The following MIPEP variants were observed in gnomAD, a reference collection of about 807,000 sequenced individuals.
MIPEP encodes mitochondrial intermediate peptidase.
MIPEP carries 79 observed loss-of-function variants against 90.3 expected under a neutral mutation model. That is an observed-to-expected ratio of 0.87 (90% CI 0.73 to 1.05). The LOEUF (loss-of-function observed/expected upper bound fraction) is 1.05, where lower values mean the gene tolerates loss of function less well. Among genes scored for constraint, MIPEP ranks in the 50% least tolerant of loss-of-function variants. The pLI is 0.00. For synonymous variants in MIPEP, 334 were observed against 315.8 expected (o/e 1.06, Z -0.61); for missense variants, 940 against 905.6 (o/e 1.04, Z -0.49).
intron 10 of MIPEP, 41 bp downstream of exon 10, chr13:23,858,819 C>T (rs1870157578): frequency 6.3e-7 from 1 of 1,579,078 alleles, no homozygotes; most frequent in African/African-American, 1.3e-5. Context: ...CATTAGTTTC[C>T]TTTTTCCTTT....
chr13:23,875,752 CAT>C (rs1354910386), intron 4 of MIPEP, among the ~76,000 whole-genome samples: 1 of 152,032 alleles, frequency 6.6e-6, no homozygotes. Flanking sequence ...AATGCAGAAA[CAT>C]ATGAAACATT....
intron 16 of MIPEP, among the ~76,000 whole-genome samples, chr13:23,794,783 C>T (rs1379844636): frequency 6.6e-6 from 1 of 152,106 alleles, no homozygotes. Flanking sequence ...TGTTTTAAAT[C>T]ACTGAAATCT....
At chr13:23,836,141 G>A (rs1237176463) in intron 14 of MIPEP, 99 bp downstream of exon 14, 7 of 640,618 alleles carry the variant, frequency 1.1e-5, no homozygotes, top group Non-Finnish European at 1.8e-5. Flanking sequence ...CTAACAGAGG[G>A]TGAGTTCTGA....
chr13:23,759,002 C>A (rs1419190942), intron 17 of MIPEP, among the ~76,000 whole-genome samples: 1 of 152,142 alleles, frequency 6.6e-6, no homozygotes, highest in Non-Finnish European at 1.5e-5. Flanking sequence ...ACTCTAAAAA[C>A]CAAGATAAAG....
At position 23,829,151 on chromosome 13, in the gene MIPEP, C is replaced by T. The variant is rs1241842997; in HGVS notation, c.1653+7089G>A. ...AAGTAAAATGGATTCCCGCCTTATGCCAAACCCAGAAAGAATTTCCAACTT... is the reference window on the plus strand; with the variant it reads ...AAGTAAAATGGATTCCCGCCTTATGTCAAACCCAGAAAGAATTTCCAACTT... On this transcript the variant is annotated intron_variant, in intron 14 of 18. Transcript: ENST00000382172. Among the ~76,000 whole-genome samples the T allele has an allele frequency of 2.0e-5, 3 of 152,106 alleles. 1 individual carries two copies. Among genetic ancestry groups the T allele is most frequent in the East Asian group, 3.9e-4 (2 of 5,190 alleles).
intron 18 of MIPEP, among the ~76,000 whole-genome samples, chr13:23,734,807 CAG>C (rs1952243108): frequency 6.6e-6 from 1 of 152,050 alleles, no homozygotes; most frequent in Non-Finnish European, 1.5e-5. Flanking sequence ...GGCATCTCCA[CAG>C]GGGGGAATGT....
chr13:23,768,686 G>A (rs1952617892), intron 16 of MIPEP, among the ~76,000 whole-genome samples: 1 of 152,290 alleles, frequency 6.6e-6, no homozygotes, highest in South Asian at 2.1e-4. Flanking sequence ...AGTGAGCTGA[G>A]ATCACACCAC....
intron 18 of MIPEP, among the ~76,000 whole-genome samples, chr13:23,747,356 C>T (rs1037740940): frequency 3.9e-5 from 6 of 152,160 alleles, no homozygotes; most frequent in Admixed American, 2.6e-4. Flanking sequence ...TGAAGAGGTG[C>T]TTGACTCTGG....
chr13:23,888,757 T>TA, intron 1 of MIPEP: 1 of 1,033,196 alleles, frequency 9.7e-7, no homozygotes, highest in Non-Finnish European at 1.2e-6. Context: ...ATAGGCCTCT[T>TA]AAGGCAGGAC....
intron 1 of MIPEP, among the ~76,000 whole-genome samples, chr13:23,888,282 T>C (rs1871603015): frequency 6.6e-6 from 1 of 152,170 alleles, no homozygotes. Context: ...AAATAATTTT[T>C]AAATAGACAA....
intron 16 of MIPEP, among the ~76,000 whole-genome samples, chr13:23,791,576 C>G (rs554358116): frequency 2.0e-5 from 3 of 152,204 alleles, no homozygotes; most frequent in African/African-American, 7.2e-5. Context: ...GGGCTAACCC[C>G]TCCACCCGTA....
chr13:23,780,199 C>T (rs963662344), intron 16 of MIPEP, among the ~76,000 whole-genome samples: 25 of 152,186 alleles, frequency 1.6e-4, no homozygotes, highest in Non-Finnish European at 2.9e-4. Flanking sequence ...TTGGGAGGCA[C>T]CCCCCAGTAG....
chr13:23,816,990 C>T (rs1953247699), intron 14 of MIPEP, among the ~76,000 whole-genome samples: 1 of 152,166 alleles, frequency 6.6e-6, no homozygotes, highest in Non-Finnish European at 1.5e-5. Context: ...CACAGGTGAG[C>T]CATCTGTATC....
At chr13:23,864,110 C>T in intron 8 of MIPEP, 31 bp downstream of exon 8, 2 of 1,288,984 alleles carry the variant, frequency 1.6e-6, no homozygotes, top group Non-Finnish European at 2.2e-6. Flanking sequence ...AACATATAAC[C>T]AAAAAACTAA....
At chr13:23,805,722 C>T (rs966569506) in intron 16 of MIPEP, among the ~76,000 whole-genome samples, 7 of 152,138 alleles carry the variant, frequency 4.6e-5, no homozygotes, top group Non-Finnish European at 1.0e-4. Context: ...TTAACCCCCA[C>T]ATTTCCAAAA....
chr13:23,887,079 T>C (rs1403764338), intron 1 of MIPEP, among the ~76,000 whole-genome samples: 1 of 152,218 alleles, frequency 6.6e-6, no homozygotes, highest in Non-Finnish European at 1.5e-5. Flanking sequence ...AATTATTCTA[T>C]AACTATCAAA....
intron 14 of MIPEP, among the ~76,000 whole-genome samples, chr13:23,835,603 A>G (rs945232584): frequency 6.6e-6 from 1 of 152,192 alleles, no homozygotes; most frequent in Non-Finnish European, 1.5e-5. Context: ...TAGTATAATC[A>G]GAATTGGAGG....
intron 3 of MIPEP, among the ~76,000 whole-genome samples, chr13:23,880,355 G>C (rs1278194193): frequency 6.6e-6 from 1 of 152,106 alleles, no homozygotes; most frequent in Non-Finnish European, 1.5e-5. Context: ...CTCACCCACG[G>C]AGCCACTCCA....
At chr13:23,751,464 T>A (rs1240012237) in intron 18 of MIPEP, among the ~76,000 whole-genome samples, 1 of 152,258 alleles carries the variant, frequency 6.6e-6, no homozygotes, top group African/African-American at 2.4e-5. Context: ...TTTCTTTCCA[T>A]CTGATCTGAT....
Sources: gnomAD v4.1 joint callset for allele counts (sites outside exome capture counted in the v4.1 genomes callset) on GRCh38, gnomAD v4.1.1 for gene constraint, MANE v1.5 for transcripts, NCBI Gene and HGNC (gene_info 2026-07-23, HGNC 2026-07-21) for gene names.